ARHGAP8: variants seen among roughly 807,000 people sequenced by gnomAD.
The protein encoded by ARHGAP8 is rho GTPase-activating protein 8.
ARHGAP8 carries 62 observed loss-of-function variants against 46.1 expected under a neutral mutation model. The ratio of observed to expected loss-of-function variants is 1.34; its 90% CI spans 1.10 to 1.66. ARHGAP8 has a LOEUF of 1.66. ARHGAP8 is among the 40% of genes most tolerant of loss of function. ARHGAP8 has a pLI of 0.00. For missense variants in ARHGAP8, 923 were observed against 568.4 expected, an observed-to-expected ratio of 1.62 and a Z score of -6.34; for synonymous variants, 375 against 243.1, an observed-to-expected ratio of 1.54 and a Z score of -5.05.
At position 44,859,313 on chromosome 22, in the gene ARHGAP8, T is replaced by C. The variant is rs555059835; in HGVS notation, c.878-418T>C. ...TGGGTTGGTGCTGTCCTCGAGATAG[T>C]GAGTTCTTACCAGATCTGGTTTAAA... On this transcript the variant is annotated intron_variant, in intron 10 of 11. Transcript: ENST00000356099. 8.8e-4 allele frequency among the ~76,000 whole-genome samples: 134 copies of C among 152,020 alleles called. 1 individual carries two copies. The highest frequency in any genetic ancestry group is 3.4e-3 in the Middle Eastern group (1 of 294).
At chr22:44,807,544 C>T (rs1399524998) in intron 3 of ARHGAP8, among the ~76,000 whole-genome samples, 1 of 152,132 alleles carries the variant, frequency 6.6e-6, no homozygotes, top group African/African-American at 2.4e-5. Context: ...GGTAGAAGGG[C>T]CTGTGGTGTT....
intron 2 of ARHGAP8, among the ~76,000 whole-genome samples, chr22:44,800,599 C>T (rs570981084): frequency 0.031 from 2,094 of 67,118 alleles, 26 homozygotes; most frequent in East Asian, 0.093. Context: ...GGGGGGCGCC[C>T]CTCCCCGCAG....
chr22:44,760,591 G>C (rs1315294899), intron 1 of ARHGAP8, among the ~76,000 whole-genome samples: 1 of 152,216 alleles, frequency 6.6e-6, no homozygotes, highest in Non-Finnish European at 1.5e-5. Context: ...CATCGGACTT[G>C]CCACTCAAAT....
chr22:44,770,505 A>C (rs1925921410), intron 1 of ARHGAP8, among the ~76,000 whole-genome samples: 1 of 151,852 alleles, frequency 6.6e-6, no homozygotes, highest in Non-Finnish European at 1.5e-5. Flanking sequence ...TTCTGGGTTC[A>C]AGCAGTCCTC....
At chr22:44,832,944 TA>T (rs1931044978) in intron 7 of ARHGAP8, among the ~76,000 whole-genome samples, 1 of 151,490 alleles carries the variant, frequency 6.6e-6, no homozygotes, top group Non-Finnish European at 1.5e-5. Flanking sequence ...CTGGACAACA[TA>T]GCAAGACCCT....
rs761529372 is a variant in ARHGAP8 at position 44,862,368 on chromosome 22, T to TC, written c.1078dup (p.Leu360ProfsTer12). 2 of 1,614,112 alleles carry TC rather than the reference T, an allele frequency of 1.2e-6. No homozygotes were observed. Among genetic ancestry groups the TC allele is most frequent in the South Asian group, 2.2e-5 (2 of 91,080 alleles). The stretch of plus-strand genomic sequence containing the variant: ...GATCTGGCCATCCCAGGGGGTCTCC[T>TC]CCCTGAGTGCCCTTGTGCCCCTGAA... On this transcript the variant is annotated frameshift_variant, in exon 12 of 12. Coordinates refer to ENST00000356099, the MANE Select transcript of ARHGAP8 (RefSeq NM_181335.3). LOFTEE classifies it low-confidence loss of function (END_TRUNC).
intron 2 of ARHGAP8, among the ~76,000 whole-genome samples, chr22:44,793,844 T>C (rs1411876723): frequency 6.6e-6 from 1 of 152,248 alleles, no homozygotes; most frequent in African/African-American, 2.4e-5. Flanking sequence ...GGTTTTGATG[T>C]GCTGGCCTGT....
chr22:44,852,995 C>T (rs1255434201), intron 10 of ARHGAP8, among the ~76,000 whole-genome samples: 16 of 152,068 alleles, frequency 1.1e-4, no homozygotes, highest in Admixed American at 9.8e-4. Context: ...GTAGAGACAG[C>T]ATTTCACTGT....
chr22:44,773,861 G>A (rs975891884), intron 1 of ARHGAP8, among the ~76,000 whole-genome samples: 1 of 152,200 alleles, frequency 6.6e-6, no homozygotes, highest in African/African-American at 2.4e-5. Flanking sequence ...GGGATTGCAG[G>A]CATGACCCAC....
chr22:44,758,446 A>G (rs1011343078), intron 1 of ARHGAP8, among the ~76,000 whole-genome samples: 2 of 152,154 alleles, frequency 1.3e-5, no homozygotes, highest in African/African-American at 4.8e-5. Flanking sequence ...TCTGAAGGCC[A>G]AGGCTGGGTG....
chr22:44,768,562 C>T (rs1378913349), intron 1 of ARHGAP8, among the ~76,000 whole-genome samples: 1 of 152,076 alleles, frequency 6.6e-6, no homozygotes, highest in Non-Finnish European at 1.5e-5. Flanking sequence ...CCGCCTCAGC[C>T]TCCCAAAGCA....
At chr22:44,860,865 A>C (rs538219653) in intron 11 of ARHGAP8, among the ~76,000 whole-genome samples, 2 of 152,310 alleles carry the variant, frequency 1.3e-5, no homozygotes, top group Admixed American at 6.5e-5. Flanking sequence ...CAGGCTGTGC[A>C]GGGTGAGGAG....
intron 2 of ARHGAP8, among the ~76,000 whole-genome samples, chr22:44,794,443 G>T (rs944828742): frequency 6.6e-6 from 1 of 152,042 alleles, no homozygotes; most frequent in Non-Finnish European, 1.5e-5. Flanking sequence ...AGGCACGGTG[G>T]CTCACACCTG....
chr22:44,813,953 C>T, intron 4 of ARHGAP8, among the ~76,000 whole-genome samples: 1 of 152,126 alleles, frequency 6.6e-6, no homozygotes, highest in South Asian at 2.1e-4. Flanking sequence ...GCAGGCTGAC[C>T]CCACGCAGGC....
intron 4 of ARHGAP8, chr22:44,808,790 C>T: frequency 4.8e-6 from 2 of 416,570 alleles, no homozygotes; most frequent in South Asian, 3.6e-5. Context: ...ATGGCGAAAC[C>T]CTGTCTCTAG....
intron 1 of ARHGAP8, among the ~76,000 whole-genome samples, chr22:44,755,352 G>A (rs894138186): frequency 8.5e-5 from 13 of 152,232 alleles, no homozygotes; most frequent in Admixed American, 2.0e-4. Context: ...GGAGCCTGCC[G>A]GTGACTACCC....
At chr22:44,859,541 G>T in intron 10 of ARHGAP8, 190 bp from the exon 11 acceptor site, 1 of 613,680 alleles carries the variant, frequency 1.6e-6, no homozygotes, top group Non-Finnish European at 2.9e-6. Context: ...ATCTCAGCAA[G>T]AATAGCCAAA....
intron 6 of ARHGAP8, 111 bp downstream of exon 6, chr22:44,822,580 T>A (rs1194060636): frequency 4.0e-6 from 4 of 997,516 alleles, no homozygotes; most frequent in Non-Finnish European, 5.6e-6. Flanking sequence ...TGTGCTTGGC[T>A]AGATTTGGCT....
intron 2 of ARHGAP8, among the ~76,000 whole-genome samples, chr22:44,794,439 G>A (rs190505597): frequency 2.6e-4 from 39 of 152,086 alleles, no homozygotes; most frequent in African/African-American, 9.2e-4. Flanking sequence ...GGCCAGGCAC[G>A]GTGGCTCACA....
Sources: gnomAD v4.1 joint callset for allele counts (sites outside exome capture counted in the v4.1 genomes callset) on GRCh38, gnomAD v4.1.1 for gene constraint, MANE v1.5 for transcripts, NCBI Gene and HGNC (gene_info 2026-07-23, HGNC 2026-07-21) for gene names.